Variants in ZZEF1 observed in about 807,000 individuals in gnomAD.
ZZEF1 encodes the protein zinc finger ZZ-type and EF-hand domain-containing protein 1.
Under a neutral mutation model 342.8 loss-of-function variants are expected in ZZEF1, and 157 were observed. The observed-to-expected ratio is 0.46, with a 90% confidence interval of 0.40 to 0.52. The LOEUF (loss-of-function observed/expected upper bound fraction) is 0.52. ZZEF1 is among the 20% of genes least tolerant of loss of function. The pLI, the probability that ZZEF1 is intolerant of heterozygous loss-of-function variation, is 0.00. For synonymous variants in ZZEF1, 1,505 were observed against 1,429.1 expected (o/e 1.05, Z -1.20); for missense variants, 3,480 against 3,725.6 (o/e 0.93, Z 1.72).
chr17:4,062,694 C>A, intron 30 of ZZEF1, 59 bp downstream of exon 30: 1 of 1,475,330 alleles, frequency 6.8e-7, no homozygotes, highest in Middle Eastern at 2.3e-4. Context: ...AGAAGATAAT[C>A]AGGATTTATT....
At chr17:4,019,867 G>A in intron 45 of ZZEF1, 98 bp from the exon 46 acceptor site, 1 of 854,762 alleles carries the variant, frequency 1.2e-6, no homozygotes, top group Non-Finnish European at 1.8e-6. Flanking sequence ...TATAGCAAAA[G>A]CTGCCACAGG....
intron 38 of ZZEF1, among the ~76,000 whole-genome samples, chr17:4,043,610 G>A (rs917443008): frequency 6.6e-6 from 1 of 152,152 alleles, no homozygotes; most frequent in African/African-American, 2.4e-5. Flanking sequence ...TCCTCTGGCA[G>A]GCTGAGGCCT....
At chr17:4,114,234 G>A (rs922524723) in intron 4 of ZZEF1, 65 bp downstream of exon 4, 17 of 1,288,288 alleles carry the variant, frequency 1.3e-5, no homozygotes, top group South Asian at 1.3e-4. Context: ...AATACAAAGA[G>A]TAGGCAGTTA....
intron 1 of ZZEF1, among the ~76,000 whole-genome samples, chr17:4,130,809 T>C (rs1377939459): frequency 1.3e-5 from 2 of 152,166 alleles, no homozygotes; most frequent in Non-Finnish European, 2.9e-5. Flanking sequence ...CTGCAGGGGC[T>C]GATTACCCTG....
In ZZEF1 at chr17:4,016,612, A is replaced by C; in HGVS notation, c.8002-146T>G. The stretch of plus-strand genomic sequence containing the variant: ...TCTGTGACTCCACCACCCAAAACCA[A>C]CTCCACCAGCCACCTCTCACTTGAC... On this transcript the variant is annotated intron_variant, in intron 48 of 54. Transcript: ENST00000381638. This position sits in a 1 kb window ranked among gnomAD's most constrained non-coding sequence, Gnocchi z 4.4. 11 of 807,488 alleles carry C rather than the reference A, an allele frequency of 1.4e-5. No homozygotes were observed. Among genetic ancestry groups the C allele is most frequent in the East Asian group, 5.7e-5 (2 of 35,342 alleles). The allele number at this position is 807,488 out of a possible 1,614,324, so 50.0% of individuals were successfully genotyped here. A position where few individuals can be genotyped will look rare whatever the true frequency, so the allele number is the denominator to read the frequency against.
intron 1 of ZZEF1, among the ~76,000 whole-genome samples, chr17:4,142,076 T>A (rs1460944155): frequency 6.6e-6 from 1 of 152,144 alleles, no homozygotes; most frequent in Admixed American, 6.5e-5. Flanking sequence ...GGAGGATAGG[T>A]TTTAGAATGT....
rs1244402689 is a variant in ZZEF1, at chr17:4,013,545, C to T, written c.8483G>A (p.Trp2828Ter). ...ACAGGCCACGCCCACCAGCCATTCC[C>T]AAATTTTTGCCAATGGGAGATGAGG... is the stretch of plus-strand genomic sequence containing the variant. Reference protein sequence around the residue: ...VVPHLPLAKIWEWLVGVACRQ... With the variant: ...VVPHLPLAKI The change falls in exon 52 of 55, where the codon TGG (tryptophan) becomes TAG (stop). Residue 2828 changes from tryptophan to a stop codon, truncating the protein, a stop_gained. Coordinates refer to ENST00000381638, the MANE Select transcript of ZZEF1 (RefSeq NM_015113.4). LOFTEE classifies it high-confidence loss of function. The T allele has an allele frequency of 1.9e-6, 3 of 1,614,004 alleles. No individual in the cohort carries two copies. In the African/African-American group the frequency reaches 4.0e-5, roughly 22 times the overall value.
intron 42 of ZZEF1, 55 bp downstream of exon 42, chr17:4,032,070 CG>C: frequency 6.4e-7 from 1 of 1,573,346 alleles, no homozygotes. Flanking sequence ...TTTTAGGGTA[CG>C]GAGGGATTAG....
intron 49 of ZZEF1, among the ~76,000 whole-genome samples, chr17:4,015,903 T>A (rs2144949595): frequency 6.6e-6 from 1 of 152,224 alleles, no homozygotes; most frequent in Non-Finnish European, 1.5e-5. Context: ...CTGATTCAGT[T>A]CTGGGAAATT....
At chr17:4,090,558 TCA>T (rs1193405703) in intron 12 of ZZEF1, among the ~76,000 whole-genome samples, 159 bp downstream of exon 12, 8 of 152,238 alleles carry the variant, frequency 5.3e-5, no homozygotes, top group Non-Finnish European at 1.0e-4. Context: ...ACAGCTCGTA[TCA>T]CACTGTCTTA....
chr17:4,053,327 C>T (rs1013559495), intron 34 of ZZEF1, among the ~76,000 whole-genome samples: 3 of 152,196 alleles, frequency 2.0e-5, no homozygotes, highest in Non-Finnish European at 4.4e-5. Flanking sequence ...TCACTACAGA[C>T]ACTCCTCTGT....
rs528696413 is a variant in ZZEF1, at chr17:4,080,321, T to G, written c.2829+1055A>C. Reference sequence around the variant, plus strand: ...CCACGAAATTGCTAAGAAATCTGAATTTTTTTTTTGTTTTTTGTTTGTTTG... The same window carrying G: ...CCACGAAATTGCTAAGAAATCTGAAGTTTTTTTTTGTTTTTTGTTTGTTTG... On this transcript the variant is annotated intron_variant, in intron 18 of 54. Transcript: ENST00000381638. 2.1e-4 allele frequency among the ~76,000 whole-genome samples: 22 copies of G among 106,016 alleles called. No individual in the cohort carries two copies. In the South Asian group the frequency reaches 8.1e-3, roughly 39 times the overall value. 69.6% of individuals were successfully genotyped at this position (106,016 alleles called of 152,430 possible).
At chr17:4,041,398 T>C (rs952273161) in intron 39 of ZZEF1, among the ~76,000 whole-genome samples, 10 of 151,928 alleles carry the variant, frequency 6.6e-5, no homozygotes, top group African/African-American at 2.4e-4. Context: ...CTCCTCTGAG[T>C]CTGAGCATCT....
At chr17:4,090,441 T>G (rs911112826) in intron 12 of ZZEF1, among the ~76,000 whole-genome samples, 1 of 152,270 alleles carries the variant, frequency 6.6e-6, no homozygotes, top group Non-Finnish European at 1.5e-5. Flanking sequence ...TGGCTAAGGA[T>G]GACAACTTAA....
intron 2 of ZZEF1, among the ~76,000 whole-genome samples, chr17:4,122,461 C>G (rs571698955): frequency 6.6e-6 from 1 of 152,136 alleles, no homozygotes; most frequent in East Asian, 1.9e-4. Flanking sequence ...TCACTGCAAC[C>G]ACCACCTCCC....
chr17:4,076,805 C>A (rs1344959266), intron 20 of ZZEF1, 46 bp from the exon 21 acceptor site: 1 of 1,611,400 alleles, frequency 6.2e-7, no homozygotes, highest in Non-Finnish European at 8.5e-7. Context: ...TTAGGCTGGG[C>A]CTGGGGATGC....
In ZZEF1 at chr17:4,105,688, T is replaced by G; in HGVS notation, c.1394+5A>C. 1 of 1,606,156 alleles carries G rather than the reference T, an allele frequency of 6.2e-7. No individual in the cohort carries two copies. The highest frequency in any genetic ancestry group is 8.5e-7 in the Non-Finnish European group (1 of 1,173,478). ...AGAGTTTACCCTCATCAGCCTTGAT[T>G]TTACCTAGTTATCCTTATGAGGAAA... On this transcript the variant is annotated splice_donor_5th_base_variant and intron_variant, in intron 7 of 54. Transcript: ENST00000381638.
rs189446175 is a variant in ZZEF1 at position 4,033,207 on chromosome 17, G to A, written c.6585-205C>T. ...CTTGTTACTTACATACTCACCCTAC[G>A]GCTGTGTTTCCAAAAATATCTATAA... On this transcript the variant is annotated intron_variant, in intron 40 of 54. Coordinates refer to ENST00000381638, the MANE Select transcript of ZZEF1 (RefSeq NM_015113.4). 10 of 500,286 alleles carry A rather than the reference G, an allele frequency of 2.0e-5. 1 individual carries two copies. Among genetic ancestry groups the A allele is most frequent in the South Asian group, 9.2e-5 (2 of 21,852 alleles). 31.0% of individuals were successfully genotyped at this position (500,286 alleles called of 1,614,324 possible).
intron 39 of ZZEF1, among the ~76,000 whole-genome samples, chr17:4,039,892 C>T (rs2056766228): frequency 6.6e-6 from 1 of 151,980 alleles, no homozygotes; most frequent in Non-Finnish European, 1.5e-5. Flanking sequence ...GATCTGCCCG[C>T]CTTGGCCTCC....
Sources: gnomAD v4.1 joint callset for allele counts (sites outside exome capture counted in the v4.1 genomes callset) on GRCh38, gnomAD v4.1.1 for gene constraint, Gnocchi (gnomAD v3.1) non-coding constraint, MANE v1.5 for transcripts, NCBI Gene and HGNC (gene_info 2026-07-23, HGNC 2026-07-21) for gene names.